The following BHMT2 variants were observed in gnomAD, a reference collection of about 807,000 sequenced individuals.
The protein encoded by BHMT2 is S-methylmethionine--homocysteine S-methyltransferase BHMT2.
BHMT2 carries 28 observed loss-of-function variants against 39.0 expected under a neutral mutation model. That is an observed-to-expected ratio of 0.72 (90% CI 0.53 to 0.98). The LOEUF (loss-of-function observed/expected upper bound fraction) is 0.98. Among genes scored for constraint, BHMT2 ranks in the 50% least tolerant of loss-of-function variants. BHMT2 has a pLI of 0.00. For synonymous variants in BHMT2, 145 were observed against 160.6 expected (o/e 0.90, Z 0.74); for missense variants, 410 against 455.6 (o/e 0.90, Z 0.91).
chr5:79,084,550 C>G (rs1393958623), intron 7 of BHMT2, among the ~76,000 whole-genome samples: 2 of 152,082 alleles, frequency 1.3e-5, no homozygotes, highest in Non-Finnish European at 2.9e-5. Flanking sequence ...AGTGGGGCCT[C>G]TTTTCTAAGG....
chr5:79,072,818 A>G (rs1443568602), intron 1 of BHMT2, among the ~76,000 whole-genome samples: 1 of 152,214 alleles, frequency 6.6e-6, no homozygotes, highest in East Asian at 1.9e-4. Flanking sequence ...AATCAAATGC[A>G]GTGAGGATGG....
chr5:79,080,790 A>G lies in BHMT2; in HGVS notation c.362A>G (p.Tyr121Cys), dbSNP rs746816858. The G allele has an allele frequency of 1.9e-5, 30 of 1,606,804 alleles. No individual in the cohort carries two copies. Among genetic ancestry groups the G allele is most frequent in the Non-Finnish European group, 2.4e-5 (28 of 1,178,012 alleles). Residue 121 changes from tyrosine to cysteine, a missense_variant, in exon 4 of 8, where the codon TAC becomes TGC. Coordinates refer to ENST00000255192, the MANE Select transcript of BHMT2 (RefSeq NM_017614.5). ...GGICQTSIYK[Y>C]QKDEARIKKL... is the part of the protein sequence containing the mutation. ...ATCTGCCAGACATCAATATACAAAT[A>G]CCAGAAGGATGAAGCTAGAATTAAA...
chr5:79,084,846 CA>C (rs1202464436), intron 7 of BHMT2, among the ~76,000 whole-genome samples: 3 of 152,132 alleles, frequency 2.0e-5, no homozygotes, highest in Admixed American at 6.5e-5. Context: ...CTCCTTTTTC[CA>C]GTTTTGATTC....
At chr5:79,078,960 C>G (rs1205051565) in intron 2 of BHMT2, among the ~76,000 whole-genome samples, 1 of 152,166 alleles carries the variant, frequency 6.6e-6, no homozygotes. Context: ...GATATGGGTG[C>G]CACCCACATG....
intron 6 of BHMT2, 85 bp downstream of exon 6, chr5:79,083,459 A>C (rs1376375377): frequency 2.3e-5 from 34 of 1,500,178 alleles, no homozygotes; most frequent in Non-Finnish European, 2.9e-5. Flanking sequence ...CAGTTTTACA[A>C]TAAGAGACTG....
intron 7 of BHMT2, among the ~76,000 whole-genome samples, chr5:79,084,535 G>A (rs1387853855): frequency 6.6e-6 from 1 of 152,132 alleles, no homozygotes. Flanking sequence ...GCCTCCCAAA[G>A]TTAGAGTGGG....
chr5:79,077,559 A>G lies in BHMT2; in HGVS notation c.113A>G (p.Tyr38Cys). ...SFLITLEKRG[Y>C]VKAGLWTPEA... ...CTCATTACTCTGGAGAAGAGAGGCTATGTGAAGGCTGGGCTCTGGACTCCA... is the reference window on the plus strand; with the variant it reads ...CTCATTACTCTGGAGAAGAGAGGCTGTGTGAAGGCTGGGCTCTGGACTCCA... Residue 38 changes from tyrosine (Y) to cysteine (C), a missense_variant, in exon 2 of 8, where the codon TAT becomes TGT. By Grantham distance (194) the Tyr-to-Cys change is radical. Transcript: ENST00000255192. 6.2e-6 allele frequency: 10 copies of G among 1,613,982 alleles called. No individual in the cohort carries two copies. The highest frequency in any genetic ancestry group is 8.5e-6 in the Non-Finnish European group (10 of 1,179,962).
intron 4 of BHMT2, among the ~76,000 whole-genome samples, chr5:79,081,224 G>A (rs1427375319): frequency 2.0e-5 from 3 of 152,158 alleles, no homozygotes; most frequent in Non-Finnish European, 4.4e-5. Flanking sequence ...CCACACAGGA[G>A]GGCACTGCAT....
At chr5:79,080,221 G>C (rs1027374806) in intron 3 of BHMT2, among the ~76,000 whole-genome samples, 3 of 152,220 alleles carry the variant, frequency 2.0e-5, no homozygotes, top group Non-Finnish European at 4.4e-5. Context: ...TCTGTAAAAT[G>C]GAGACAACAG....
chr5:79,081,509 A>G (rs780603645), intron 4 of BHMT2, among the ~76,000 whole-genome samples: 2 of 152,066 alleles, frequency 1.3e-5, no homozygotes, highest in African/African-American at 2.4e-5. Flanking sequence ...CCATTTCCCA[A>G]CATAACTGCT....
At chr5:79,078,669 G>A (rs1329954465) in intron 2 of BHMT2, among the ~76,000 whole-genome samples, 2 of 152,222 alleles carry the variant, frequency 1.3e-5, no homozygotes, top group South Asian at 2.1e-4. Flanking sequence ...TACGATGGCC[G>A]TTATGATTGG....
At chr5:79,076,210 C>T (rs941654191) in intron 1 of BHMT2, among the ~76,000 whole-genome samples, 2 of 152,194 alleles carry the variant, frequency 1.3e-5, no homozygotes, top group Non-Finnish European at 2.9e-5. Flanking sequence ...CAGCCAGACT[C>T]TCCTCTGATT....
At chr5:79,080,918 G>T (rs745684724) in intron 4 of BHMT2, 40 bp downstream of exon 4, 1 of 1,512,430 alleles carries the variant, frequency 6.6e-7, no homozygotes, top group South Asian at 1.4e-5. Context: ...AACCTATTTT[G>T]CAAGCATAAC....
At chr5:79,084,686 G>A (rs1197185583) in intron 7 of BHMT2, among the ~76,000 whole-genome samples, 2 of 152,178 alleles carry the variant, frequency 1.3e-5, no homozygotes, top group African/African-American at 2.4e-5. Flanking sequence ...CAGACAATCA[G>A]ACCATGGCAC....
At chr5:79,075,041 C>A (rs1755649385) in intron 1 of BHMT2, among the ~76,000 whole-genome samples, 1 of 152,016 alleles carries the variant, frequency 6.6e-6, no homozygotes, top group Non-Finnish European at 1.5e-5. Context: ...TATTTTTAGC[C>A]TTGGGGGCCA....
chr5:79,083,970 G>A, intron 7 of BHMT2, 114 bp downstream of exon 7: 1 of 1,415,420 alleles, frequency 7.1e-7, no homozygotes, highest in East Asian at 2.5e-5. Flanking sequence ...AAAGTGAAAA[G>A]TAAAAATTAT....
At chr5:79,071,641 C>G (rs485851) in intron 1 of BHMT2, among the ~76,000 whole-genome samples, 81,394 of 151,762 alleles carry the variant, frequency 0.54, 23,043 homozygotes, top group East Asian at 0.65. Flanking sequence ...AGGAACAACA[C>G]ACACTGGGGC....
At chr5:79,087,153 T>G (rs901012543) in intron 7 of BHMT2, among the ~76,000 whole-genome samples, 13 of 151,162 alleles carry the variant, frequency 8.6e-5, no homozygotes, top group Admixed American at 5.3e-4. Context: ...CTTCACCCAT[T>G]TTGTGCTTAT....
At chr5:79,077,708 G>A in intron 2 of BHMT2, 96 bp downstream of exon 2, 1 of 1,452,476 alleles carries the variant, frequency 6.9e-7, no homozygotes, top group South Asian at 1.4e-5. Flanking sequence ...CTGTTTCAAA[G>A]GGGTGTTTTG....
Sources: gnomAD v4.1 joint callset for allele counts (sites outside exome capture counted in the v4.1 genomes callset) on GRCh38, gnomAD v4.1.1 for gene constraint, MANE v1.5 for transcripts, NCBI Gene and HGNC (gene_info 2026-07-23, HGNC 2026-07-21) for gene names.